The following PPEF1 variants were observed in gnomAD, a reference collection of about 807,000 sequenced individuals.
The protein encoded by PPEF1 is serine/threonine-protein phosphatase with EF-hands 1.
In PPEF1, 12 loss-of-function variants were observed where a neutral mutation model predicts 53.3. The observed-to-expected ratio is 0.23, with a 90% CI of 0.14 to 0.36. The LOEUF (loss-of-function observed/expected upper bound fraction) is 0.36. Among genes scored for constraint, PPEF1 ranks in the 10% least tolerant of loss-of-function variants. The pLI, the probability that PPEF1 is intolerant of heterozygous loss-of-function variation, is 1.00. For synonymous variants in PPEF1, 165 were observed against 176.7 expected (o/e 0.93, Z 0.52); for missense variants, 334 against 490.4 (o/e 0.68, Z 3.01).
intron 6 of PPEF1, among the ~76,000 whole-genome samples, chrX:18,767,158 G>T (rs1393242594): frequency 9.0e-6 from 1 of 111,338 alleles, no homozygotes; most frequent in African/African-American, 3.3e-5. Flanking sequence ...GTGTAGGGAA[G>T]AGAGTTCTTG....
chrX:18,727,943 C>T (rs1260930071), intron 1 of PPEF1, among the ~76,000 whole-genome samples: 1 of 111,793 alleles, frequency 8.9e-6, no homozygotes, highest in Admixed American at 9.5e-5. Context: ...TCCGGAAGCT[C>T]ACTGAACCCG....
chrX:18,740,916 A>ATTTTTT (rs749122735), intron 3 of PPEF1, among the ~76,000 whole-genome samples: 2 of 75,215 alleles, frequency 2.7e-5, no homozygotes, highest in Middle Eastern at 6.9e-3. Flanking sequence ...TGGGCCAACC[A>ATTTTTT]TTTTTTTTTT....
intron 3 of PPEF1, among the ~76,000 whole-genome samples, chrX:18,736,807 G>T (rs1439027367): frequency 3.2e-4 from 36 of 112,190 alleles, no homozygotes; most frequent in Non-Finnish European, 6.6e-4. Context: ...CAATTTCAGA[G>T]CCTGTTATTG....
At chrX:18,689,015 G>A (rs1174765526) in intron 3 of PPEF1, 1 of 110,983 alleles carries the variant, frequency 9.0e-6, no homozygotes, top group Non-Finnish European at 1.9e-5. Flanking sequence ...AGGACAGATT[G>A]TAAATGTTTC....
At chrX:18,819,149 C>T (rs1323337957) in intron 13 of PPEF1, among the ~76,000 whole-genome samples, 2 of 111,604 alleles carry the variant, frequency 1.8e-5, no homozygotes, top group Non-Finnish European at 3.8e-5. Flanking sequence ...ACCAAACAAA[C>T]AAGGATACAA....
chrX:18,693,647 A>G (rs1211128202), intron 4 of PPEF1, among the ~76,000 whole-genome samples: 1 of 111,608 alleles, frequency 9.0e-6, no homozygotes, highest in Admixed American at 9.5e-5. Flanking sequence ...GCTCACCGCA[A>G]CCTCCGCCTC....
intron 6 of PPEF1, among the ~76,000 whole-genome samples, chrX:18,763,489 C>T (rs1240311745): frequency 9.0e-6 from 1 of 111,033 alleles, no homozygotes; most frequent in African/African-American, 3.3e-5. Flanking sequence ...TCAGTCAGTA[C>T]TGAGACAGTT....
At chrX:18,784,094 G>A (rs770645172) in intron 9 of PPEF1, 46 bp downstream of exon 9, 4 of 1,055,922 alleles carry the variant, frequency 3.8e-6, no homozygotes, top group Non-Finnish European at 5.1e-6. Context: ...GATTTAGAAG[G>A]GAATACATAC....
At position 18,728,466 on chromosome X, in the gene PPEF1, A is replaced by G. The variant is rs2044761276; in HGVS notation, c.47-1715A>G. On this transcript the variant is annotated intron_variant, in intron 1 of 15. Coordinates refer to ENST00000470157, the MANE Select transcript of PPEF1 (RefSeq NM_001377996.1). Reference sequence around the variant, plus strand: ...ACTACCACCAGAACAGTATGGGGGAAACCGCCCCCATGATCAGTTACCTCC... The same window carrying G: ...ACTACCACCAGAACAGTATGGGGGAGACCGCCCCCATGATCAGTTACCTCC... Among the ~76,000 whole-genome samples the G allele has an allele frequency of 3.6e-5, 4 of 110,901 alleles. No homozygotes were observed. In the South Asian group the frequency reaches 1.6e-3, roughly 43 times the overall value.
chrX:18,709,744 C>T (rs755221634), intron 1 of PPEF1, among the ~76,000 whole-genome samples: 7 of 111,015 alleles, frequency 6.3e-5, no homozygotes, highest in Admixed American at 1.9e-4. Flanking sequence ...GTGATCTGCC[C>T]GCCTCGGCCT....
At chrX:18,791,498 G>T (rs771650408) in intron 10 of PPEF1, among the ~76,000 whole-genome samples, 3 of 111,971 alleles carry the variant, frequency 2.7e-5, no homozygotes, top group African/African-American at 9.7e-5. Context: ...ATTGTTCATT[G>T]CTAGTGTATA....
chrX:18,818,980 C>T (rs1301881865), intron 13 of PPEF1, among the ~76,000 whole-genome samples: 1 of 111,711 alleles, frequency 9.0e-6, no homozygotes, highest in Non-Finnish European at 1.9e-5. Flanking sequence ...CATCATCATG[C>T]TTGGACCCTC....
chrX:18,785,005 G>C (rs915792648), intron 9 of PPEF1, among the ~76,000 whole-genome samples: 4 of 111,471 alleles, frequency 3.6e-5, no homozygotes, highest in African/African-American at 1.3e-4. Flanking sequence ...TGGGAAACCT[G>C]AACTGTTACC....
At chrX:18,745,469 T>A (rs1249008804) in intron 3 of PPEF1, among the ~76,000 whole-genome samples, 1 of 109,332 alleles carries the variant, frequency 9.1e-6, no homozygotes, top group Non-Finnish European at 1.9e-5. Flanking sequence ...GCCCAGCCTC[T>A]GTATTACATT....
chrX:18,796,749 G>A (rs1312568797), intron 10 of PPEF1, among the ~76,000 whole-genome samples: 1 of 111,667 alleles, frequency 9.0e-6, no homozygotes, highest in East Asian at 2.8e-4. Flanking sequence ...ATCATTGGCT[G>A]TGAGTCCAAA....
intron 1 of PPEF1, among the ~76,000 whole-genome samples, chrX:18,722,542 A>G (rs748370963): frequency 8.9e-6 from 1 of 112,091 alleles, no homozygotes; most frequent in East Asian, 2.8e-4. Context: ...CCAAAACCAA[A>G]CCAAACATAA....
intron 1 of PPEF1, among the ~76,000 whole-genome samples, chrX:18,719,594 G>A (rs745940464): frequency 1.8e-5 from 2 of 110,324 alleles, no homozygotes; most frequent in Admixed American, 1.9e-4. Context: ...AGATCTGCCC[G>A]CCTCGGCCTC....
At chrX:18,818,629 A>G (rs188507216) in intron 13 of PPEF1, among the ~76,000 whole-genome samples, 26 of 111,890 alleles carry the variant, frequency 2.3e-4, no homozygotes, top group Non-Finnish European at 4.5e-4. Context: ...TTGGCCTTCC[A>G]AAGTGCTGGG....
intron 3 of PPEF1, among the ~76,000 whole-genome samples, chrX:18,734,566 G>T (rs1319976713): frequency 9.0e-6 from 1 of 110,942 alleles, no homozygotes; most frequent in Non-Finnish European, 1.9e-5. Flanking sequence ...CTTTGCTATT[G>T]TGAATAGTGC....
Sources: gnomAD v4.1 joint callset for allele counts (sites outside exome capture counted in the v4.1 genomes callset) on GRCh38, gnomAD v4.1.1 for gene constraint, MANE v1.5 for transcripts, NCBI Gene and HGNC (gene_info 2026-07-23, HGNC 2026-07-21) for gene names.